Variants in MSRB3 observed in about 807,000 individuals in gnomAD.
The protein encoded by MSRB3 is methionine-R-sulfoxide reductase B3.
MSRB3 carries 13 observed loss-of-function variants against 21.0 expected under a neutral mutation model. That is an observed-to-expected ratio of 0.62 (90% CI 0.40 to 0.98). MSRB3 has a LOEUF of 0.98. Among genes scored for constraint, MSRB3 ranks in the 50% least tolerant of loss-of-function variants. MSRB3 has a pLI of 0.00. For synonymous variants in MSRB3, 87 were observed against 88.6 expected (o/e 0.98, Z 0.10); for missense variants, 199 against 230.3 (o/e 0.86, Z 0.88).
chr12:65,416,800 T>G (rs1881002928), intron 5 of MSRB3, among the ~76,000 whole-genome samples: 1 of 152,240 alleles, frequency 6.6e-6, no homozygotes, highest in Non-Finnish European at 1.5e-5. Context: ...TGTAATCCTT[T>G]GTGACACTTA....
intron 5 of MSRB3, among the ~76,000 whole-genome samples, chr12:65,418,430 G>T (rs1390024509): frequency 6.6e-6 from 1 of 152,144 alleles, no homozygotes; most frequent in East Asian, 1.9e-4. Flanking sequence ...GGTTTGCAAA[G>T]ATTTTCTTCT....
intron 4 of MSRB3, among the ~76,000 whole-genome samples, chr12:65,352,670 A>G (rs1459591547): frequency 1.3e-5 from 2 of 151,920 alleles, no homozygotes; most frequent in Admixed American, 6.6e-5. Context: ...TACACCAATA[A>G]CAGACAAACA....
chr12:65,382,061 T>G (rs1185574275), intron 5 of MSRB3, among the ~76,000 whole-genome samples: 1 of 152,112 alleles, frequency 6.6e-6, no homozygotes, highest in Non-Finnish European at 1.5e-5. Flanking sequence ...CCAACCAATG[T>G]GAAATATTTG....
intron 5 of MSRB3, among the ~76,000 whole-genome samples, chr12:65,388,043 CTAA>C (rs991908213): frequency 3.9e-5 from 6 of 152,120 alleles, no homozygotes; most frequent in Admixed American, 2.6e-4. Flanking sequence ...AAGAAAGAAA[CTAA>C]TAATTTGTAA....
At chr12:65,420,435 A>G (rs1479751993) in intron 5 of MSRB3, among the ~76,000 whole-genome samples, 2 of 150,424 alleles carry the variant, frequency 1.3e-5, no homozygotes, top group African/African-American at 2.4e-5. Context: ...TTAATATGTC[A>G]CTGGAATTGT....
chr12:65,328,696 A>G, intron 4 of MSRB3, 93 bp downstream of exon 4: 1 of 865,450 alleles, frequency 1.2e-6, no homozygotes, highest in Non-Finnish European at 2.0e-6. Context: ...CCATTGCTGA[A>G]TTTTCTTCTG....
At chr12:65,412,835 T>C (rs1237289962) in intron 5 of MSRB3, among the ~76,000 whole-genome samples, 1 of 152,064 alleles carries the variant, frequency 6.6e-6, no homozygotes, top group Non-Finnish European at 1.5e-5. Context: ...CCTTCAATCA[T>C]GGCGGAAGGT....
chr12:65,416,813 A>T (rs1211976419), intron 5 of MSRB3, among the ~76,000 whole-genome samples: 1 of 152,184 alleles, frequency 6.6e-6, no homozygotes, highest in Non-Finnish European at 1.5e-5. Context: ...GACACTTATG[A>T]TAGGAATATG....
chr12:65,330,284 T>C (rs1875325277), intron 4 of MSRB3, among the ~76,000 whole-genome samples: 1 of 152,248 alleles, frequency 6.6e-6, no homozygotes, highest in Non-Finnish European at 1.5e-5. Context: ...TAGATGCTAG[T>C]GGGAGTCAGG....
chr12:65,398,986 AC>A (rs1879968626), intron 5 of MSRB3, among the ~76,000 whole-genome samples: 1 of 152,104 alleles, frequency 6.6e-6, no homozygotes, highest in Non-Finnish European at 1.5e-5. Context: ...TGGTACCAGT[AC>A]CATGCTGTTT....
chr12:65,369,122 C>A, intron 5 of MSRB3, 96 bp downstream of exon 5: 1 of 940,394 alleles, frequency 1.1e-6, no homozygotes, highest in Non-Finnish European at 1.7e-6. Context: ...TGATTTTAAA[C>A]AGACTAGGCG....
intron 1 of MSRB3, chr12:65,306,921 G>A (rs1398151141): frequency 1.7e-5 from 17 of 985,726 alleles, no homozygotes; most frequent in South Asian, 1.4e-4. Context: ...GATGGCCACC[G>A]TGGTTGGTAG....
At chr12:65,288,536 G>A (rs1565815619) in intron 1 of MSRB3, among the ~76,000 whole-genome samples, 2 of 152,014 alleles carry the variant, frequency 1.3e-5, no homozygotes, top group Non-Finnish European at 2.9e-5. Flanking sequence ...TGAGCTACTG[G>A]CAAAGTTACA....
intron 5 of MSRB3, among the ~76,000 whole-genome samples, chr12:65,401,537 C>A (rs1880125076): frequency 6.6e-6 from 1 of 152,124 alleles, no homozygotes; most frequent in Admixed American, 6.6e-5. Flanking sequence ...GAATACAGCA[C>A]ACTGATGGGT....
intron 5 of MSRB3, among the ~76,000 whole-genome samples, chr12:65,383,600 G>T (rs1879053701): frequency 6.6e-6 from 1 of 151,746 alleles, no homozygotes; most frequent in Non-Finnish European, 1.5e-5. Context: ...ACAATAAATG[G>T]ATGTTTTTAT....
intron 5 of MSRB3, among the ~76,000 whole-genome samples, chr12:65,398,962 C>A (rs562647020): frequency 1.3e-5 from 2 of 152,050 alleles, no homozygotes; most frequent in Non-Finnish European, 2.9e-5. Flanking sequence ...TTCTCTTGGT[C>A]TATATATCAA....
At chr12:65,441,192 T>G (rs999552818) in intron 5 of MSRB3, among the ~76,000 whole-genome samples, 1 of 151,952 alleles carries the variant, frequency 6.6e-6, no homozygotes, top group Non-Finnish European at 1.5e-5. Context: ...TGGTCAGTTT[T>G]AAAGCCATTG....
At chr12:65,302,797 T>A (rs2136413996) in intron 1 of MSRB3, among the ~76,000 whole-genome samples, 1 of 152,252 alleles carries the variant, frequency 6.6e-6, no homozygotes, top group East Asian at 1.9e-4. Context: ...GAACAAAGAT[T>A]TTTTTATAGA....
At chr12:65,409,821 C>G (rs1054420998) in intron 5 of MSRB3, among the ~76,000 whole-genome samples, 1 of 152,036 alleles carries the variant, frequency 6.6e-6, no homozygotes, top group Non-Finnish European at 1.5e-5. Flanking sequence ...TCTACTTGAG[C>G]TTTATATTCT....
Sources: allele counts gnomAD v4.1 joint callset (sites outside exome capture counted in the v4.1 genomes callset), GRCh38; gene constraint gnomAD v4.1.1; transcripts MANE v1.5; gene names NCBI Gene and HGNC (gene_info 2026-07-23, HGNC 2026-07-21).